Variants in ASTN2 observed in about 807,000 individuals in gnomAD.
ASTN2 encodes the protein astrotactin-2.
In ASTN2, 54 loss-of-function variants were observed where a neutral mutation model predicts 139.8. The observed-to-expected ratio is 0.39, with a 90% CI of 0.31 to 0.48. The LOEUF is 0.48. ASTN2 is among the 20% of genes least tolerant of loss of function. The probability of loss-of-function intolerance (pLI) is 0.95; values close to 1 mark genes in which losing one functional copy is unlikely to be tolerated. For synonymous variants in ASTN2, 756 were observed against 719.5 expected, an observed-to-expected ratio of 1.05 and a Z score of -0.81; for missense variants, 1,565 against 1,725.1, an observed-to-expected ratio of 0.91 and a Z score of 1.64.
chr9:117,352,190 A>G (rs1564161168), intron 1 of ASTN2, among the ~76,000 whole-genome samples: 1 of 152,192 alleles, frequency 6.6e-6, no homozygotes, highest in South Asian at 2.1e-4. Context: ...TTACTCTCTC[A>G]TGAGAATTTC....
chr9:117,004,436 G>C (rs1366481303), intron 7 of ASTN2, among the ~76,000 whole-genome samples: 1 of 152,070 alleles, frequency 6.6e-6, no homozygotes, highest in Non-Finnish European at 1.5e-5. Flanking sequence ...CCTATATAGA[G>C]GCTACAAAAA....
At chr9:116,901,970 A>G (rs543108538) in intron 10 of ASTN2, among the ~76,000 whole-genome samples, 1 of 152,360 alleles carries the variant, frequency 6.6e-6, no homozygotes, top group South Asian at 2.1e-4. Context: ...GGTTGCAGTG[A>G]GCCAAGATCA....
In ASTN2 at chr9:117,049,277, G is replaced by C. The variant is rs1417482712; in HGVS notation, c.1277-9312C>G. ...TATCTTGAAAAGAAAATATTTCTAT[G>C]TTCACAAAATTTTGAGACATGCTAT... On this transcript the variant is annotated intron_variant, in intron 5 of 22. Transcript: ENST00000313400. Among the ~76,000 whole-genome samples, 5 of 151,994 alleles carry C rather than the reference G, an allele frequency of 3.3e-5. No individual in the cohort carries two copies. In the East Asian group the frequency reaches 9.6e-4, roughly 29 times the overall value.
chr9:116,971,504 C>A (rs1412268039), intron 10 of ASTN2, among the ~76,000 whole-genome samples: 1 of 152,200 alleles, frequency 6.6e-6, no homozygotes, highest in Non-Finnish European at 1.5e-5. Context: ...ACACATGTGA[C>A]TCTTCATTCA....
intron 20 of ASTN2, 102 bp downstream of exon 20, chr9:116,487,257 T>TA (rs1397709634): frequency 7.0e-7 from 1 of 1,424,258 alleles, no homozygotes; most frequent in African/African-American, 1.4e-5. Flanking sequence ...GGCTAGCTAA[T>TA]AAAACATTTG....
chr9:117,159,492 T>C (rs1487779930), intron 3 of ASTN2, among the ~76,000 whole-genome samples: 1 of 152,018 alleles, frequency 6.6e-6, no homozygotes, highest in Non-Finnish European at 1.5e-5. Context: ...TGTGGGGAGC[T>C]GAGCTTGATT....
intron 5 of ASTN2, among the ~76,000 whole-genome samples, chr9:117,052,242 C>T (rs1280118979): frequency 1.3e-5 from 2 of 152,010 alleles, no homozygotes; most frequent in East Asian, 3.9e-4. Flanking sequence ...AGATTGAGAC[C>T]GTCCTGGCTA....
Position 116,425,354 on chromosome 9 carries a change from TAA to T in ASTN2, c.*495_*496del. 1.7e-6 allele frequency: 1 copy of T among 576,190 alleles called. No homozygotes were observed. The allele number at this position is 576,190 out of a possible 1,614,324, so 35.7% of individuals were successfully genotyped here. On this transcript the variant is annotated 3_prime_UTR_variant, in exon 23 of 23. Transcript: ENST00000313400. ...CCAGCAAAAAAGAGAGAGAAGTCCT[TAA>T]AGACCCATGCTTCCTCACTGCAACC...
At chr9:116,488,134 A>G (rs1471958187) in intron 19 of ASTN2, among the ~76,000 whole-genome samples, 1 of 152,208 alleles carries the variant, frequency 6.6e-6, no homozygotes, top group Non-Finnish European at 1.5e-5. Context: ...GGATGGAACA[A>G]TGGGAGACTA....
At chr9:116,888,673 C>A (rs902701420) in intron 10 of ASTN2, among the ~76,000 whole-genome samples, 45 of 150,614 alleles carry the variant, frequency 3.0e-4, no homozygotes, top group African/African-American at 1.1e-3. Context: ...CAGGCACGCG[C>A]CACCACACCC....
intron 10 of ASTN2, among the ~76,000 whole-genome samples, chr9:116,961,174 C>A (rs866357962): frequency 6.9e-6 from 1 of 145,354 alleles, no homozygotes; most frequent in African/African-American, 2.5e-5. Context: ...CTTATTTCTT[C>A]CCCCCACCCA....
chr9:116,979,836 C>T (rs1378518343), intron 7 of ASTN2, among the ~76,000 whole-genome samples: 1 of 152,068 alleles, frequency 6.6e-6, no homozygotes, highest in Non-Finnish European at 1.5e-5. Context: ...GCAGGAAATA[C>T]CACAGTTCAC....
intron 2 of ASTN2, among the ~76,000 whole-genome samples, chr9:117,264,977 G>A (rs558947177): frequency 2.0e-5 from 3 of 152,248 alleles, no homozygotes; most frequent in Non-Finnish European, 2.9e-5. Flanking sequence ...AGAAATGTAG[G>A]CTCAGAGAAT....
At chr9:116,885,265 A>G (rs114742097) in intron 10 of ASTN2, among the ~76,000 whole-genome samples, 221 of 152,332 alleles carry the variant, frequency 1.5e-3, no homozygotes, top group African/African-American at 5.1e-3. Flanking sequence ...GGTGATGGAT[A>G]TAATAAATAC....
intron 11 of ASTN2, among the ~76,000 whole-genome samples, chr9:116,860,790 T>C (rs955503988): frequency 2.0e-4 from 30 of 152,330 alleles, no homozygotes; most frequent in African/African-American, 5.8e-4. Context: ...TGCCCAGGTT[T>C]GTTGTGAGGA....
At chr9:116,991,318 A>C (rs1315266505) in intron 7 of ASTN2, among the ~76,000 whole-genome samples, 1 of 152,174 alleles carries the variant, frequency 6.6e-6, no homozygotes. Flanking sequence ...AAATAACCAG[A>C]AAAGGCAAGT....
intron 10 of ASTN2, among the ~76,000 whole-genome samples, chr9:116,942,050 TAAA>T (rs1835250314): frequency 6.9e-6 from 1 of 145,512 alleles, no homozygotes; most frequent in Non-Finnish European, 1.5e-5. Flanking sequence ...AGAGGGAAAG[TAAA>T]ATATGTATGT....
At chr9:116,584,082 T>A in intron 19 of ASTN2, 1 of 152,158 alleles carries the variant, frequency 6.6e-6, no homozygotes, top group East Asian at 1.9e-4. Context: ...GAAAACCTGA[T>A]CCTTTCTAAA....
At chr9:117,350,756 C>T (rs770931141) in intron 1 of ASTN2, among the ~76,000 whole-genome samples, 18 of 152,134 alleles carry the variant, frequency 1.2e-4, no homozygotes, top group Non-Finnish European at 2.4e-4. Context: ...GAATCTTCTA[C>T]GTTAGGCTAA....
Sources: allele counts gnomAD v4.1 joint callset (sites outside exome capture counted in the v4.1 genomes callset), GRCh38; gene constraint gnomAD v4.1.1; transcripts MANE v1.5; gene names NCBI Gene and HGNC (gene_info 2026-07-23, HGNC 2026-07-21).